Variants in CCDC60 observed in about 807,000 individuals in gnomAD.
CCDC60 encodes the protein coiled-coil domain containing 60, also known as coiled-coil domain-containing protein 60.
In CCDC60, 54 loss-of-function variants were observed where a neutral mutation model predicts 63.5. The ratio of observed to expected loss-of-function variants is 0.85; its 90% CI spans 0.68 to 1.07. The LOEUF (loss-of-function observed/expected upper bound fraction) is 1.07. CCDC60 is among the 50% of genes least tolerant of loss of function. CCDC60 has a pLI of 0.00. For missense variants in CCDC60, 651 were observed against 684.3 expected (o/e 0.95, Z 0.54); for synonymous variants, 206 against 238.8 (o/e 0.86, Z 1.27).
intron 6 of CCDC60, among the ~76,000 whole-genome samples, chr12:119,504,244 G>A (rs912622897): frequency 1.7e-4 from 26 of 152,076 alleles, no homozygotes; most frequent in Admixed American, 1.6e-3. Context: ...AGGAAGCCTC[G>A]CTGAAACTTG....
At chr12:119,475,579 G>A (rs1951158274) in intron 3 of CCDC60, among the ~76,000 whole-genome samples, 2 of 152,172 alleles carry the variant, frequency 1.3e-5, no homozygotes, top group Non-Finnish European at 2.9e-5. Flanking sequence ...ATGCGCGGGT[G>A]GGAGGGTGTT....
rs985172204 is a variant in CCDC60, at chr12:119,366,293, C to A, written c.90+31027C>A. 2.4e-4 allele frequency among the ~76,000 whole-genome samples: 36 copies of A among 152,198 alleles called. 1 individual carries two copies. The highest frequency in any genetic ancestry group is 8.0e-4 in the African/African-American group (33 of 41,452). The stretch of plus-strand genomic sequence containing the variant: ...AGAAGTATACTAAATATACTAAGCT[C>A]CATTTTATGAATGAGGAATCAGAGT... On this transcript the variant is annotated intron_variant, in intron 1 of 13. Coordinates refer to ENST00000327554, the MANE Select transcript of CCDC60 (RefSeq NM_178499.5).
rs1382537270 is a variant in CCDC60, at chr12:119,528,562, T to C, written c.1230-53T>C. On this transcript the variant is annotated intron_variant, in intron 11 of 13. Coordinates refer to ENST00000327554, the MANE Select transcript of CCDC60 (RefSeq NM_178499.5). ...AGATCTCAAAGGGCAGCTAAGATGG[T>C]TACAGGAGGAGGGGATCTCATTCTT... 3 of 1,578,226 alleles carry C rather than the reference T, an allele frequency of 1.9e-6. No individual in the cohort carries two copies. The Admixed American group carries it at 5.3e-5, about 28-fold the overall frequency.
intron 1 of CCDC60, among the ~76,000 whole-genome samples, chr12:119,424,191 A>G (rs1593067265): frequency 6.6e-6 from 1 of 152,206 alleles, no homozygotes; most frequent in East Asian, 1.9e-4. Context: ...TTTGTATCAG[A>G]TCACATACAT....
intron 10 of CCDC60, 27 bp downstream of exon 10, chr12:119,523,028 C>A (rs1291723844): frequency 6.2e-7 from 1 of 1,603,870 alleles, no homozygotes; most frequent in South Asian, 1.1e-5. Context: ...ATGGAAGGAA[C>A]CACGCAAGAG....
intron 1 of CCDC60, among the ~76,000 whole-genome samples, chr12:119,413,445 G>A (rs947313525): frequency 3.9e-5 from 6 of 152,156 alleles, no homozygotes; most frequent in African/African-American, 4.8e-5. Context: ...AAGGCATCGC[G>A]GGGGGAACAT....
chr12:119,455,822 G>A (rs1443043570), intron 2 of CCDC60, among the ~76,000 whole-genome samples: 3 of 145,928 alleles, frequency 2.1e-5, no homozygotes, highest in African/African-American at 7.7e-5. Flanking sequence ...AAGAAAAGGA[G>A]GAGGAAGGAG....
At chr12:119,399,167 GA>G (rs1593029886) in intron 1 of CCDC60, among the ~76,000 whole-genome samples, 1 of 152,210 alleles carries the variant, frequency 6.6e-6, no homozygotes, top group African/African-American at 2.4e-5. Context: ...AGTTTATCTT[GA>G]TCCTAAGGAA....
intron 4 of CCDC60, among the ~76,000 whole-genome samples, chr12:119,480,315 C>T (rs937618115): frequency 6.6e-6 from 1 of 152,168 alleles, no homozygotes; most frequent in African/African-American, 2.4e-5. Flanking sequence ...TCACAGAGGT[C>T]AGTGTGTTGC....
Position 119,540,658 on chromosome 12 carries a change from C to T in CCDC60, c.1596C>T (p.Ile532=). Residue 532 remains isoleucine (I), a synonymous_variant, in exon 14 of 14, where the codon ATC becomes ATT. Transcript: ENST00000327554. ...TCCATATGCCTCAAGAGGATTACAT[C>T]AGCTGGCTGCAGAGCCGGATCAACA... ...HIIHMPQEDY[I]SWLQSRINIP... 3 of 1,614,064 alleles carry T rather than the reference C, an allele frequency of 1.9e-6. No homozygotes were observed. The highest frequency in any genetic ancestry group is 2.5e-6 in the Non-Finnish European group (3 of 1,180,002).
In CCDC60 at chr12:119,456,031, G is replaced by A. The variant is rs1462802464; in HGVS notation, c.171-15963G>A. Among the ~76,000 whole-genome samples, 1 of 140,130 alleles carries A rather than the reference G, an allele frequency of 7.1e-6. No homozygotes were observed. Among genetic ancestry groups the A allele is most frequent in the Non-Finnish European group, 1.6e-5 (1 of 64,480 alleles). 91.9% of individuals were successfully genotyped at this position (140,130 alleles called of 152,430 possible). A position where few individuals can be genotyped will look rare whatever the true frequency, so the allele number is the denominator to read the frequency against. On this transcript the variant is annotated intron_variant, in intron 2 of 13. Coordinates refer to ENST00000327554, the MANE Select transcript of CCDC60 (RefSeq NM_178499.5). The surrounding 1 kb of genome is among the most constrained non-coding windows in gnomAD (Gnocchi z 4.6). ...AGAAAGAAAGAAAGAAAGAAAGAAAGAAAGAAAGAAAGAAAGAAAGAAAGA... is the reference window on the plus strand; with the variant it reads ...AGAAAGAAAGAAAGAAAGAAAGAAAAAAAGAAAGAAAGAAAGAAAGAAAGA...
At chr12:119,363,418 G>C (rs1955810818) in intron 1 of CCDC60, among the ~76,000 whole-genome samples, 4 of 106,594 alleles carry the variant, frequency 3.8e-5, no homozygotes, top group Non-Finnish European at 7.9e-5. Flanking sequence ...CTAGGTATGA[G>C]TCCTCTGTGT....
At chr12:119,435,178 G>A (rs529457901) in intron 2 of CCDC60, among the ~76,000 whole-genome samples, 16 of 152,172 alleles carry the variant, frequency 1.1e-4, no homozygotes, top group South Asian at 2.1e-4. Context: ...GCATGTGAGC[G>A]ATCTCACAGT....
intron 1 of CCDC60, among the ~76,000 whole-genome samples, chr12:119,398,112 A>AGGAAGGGGGCGGTGTGGGGGGG (rs1956313523): frequency 4.1e-5 from 1 of 24,342 alleles, no homozygotes; most frequent in African/African-American, 1.8e-4. Context: ...GTGTGGGGGG[A>AGGAAGGGGGCGGTGTGGGGGGG]GGAAGGGGTG....
At chr12:119,508,571 C>G (rs11612180) in intron 7 of CCDC60, among the ~76,000 whole-genome samples, 1,824 of 151,960 alleles carry the variant, frequency 0.012, 28 homozygotes, top group Middle Eastern at 0.024. Context: ...TAGAGAGAGA[C>G]CGTTGGTGGG....
chr12:119,482,320 T>A (rs1951346616), intron 4 of CCDC60, among the ~76,000 whole-genome samples: 1 of 151,906 alleles, frequency 6.6e-6, no homozygotes. Context: ...GTTTGTTACA[T>A]AGGCTATTAC....
chr12:119,449,039 G>T (rs1009068949), intron 2 of CCDC60, among the ~76,000 whole-genome samples: 6 of 152,208 alleles, frequency 3.9e-5, no homozygotes, highest in African/African-American at 1.2e-4. Flanking sequence ...ATTTTAGGTT[G>T]CTGTCACTGT....
At chr12:119,450,354 A>G (rs1950608028) in intron 2 of CCDC60, among the ~76,000 whole-genome samples, 1 of 152,166 alleles carries the variant, frequency 6.6e-6, no homozygotes, top group African/African-American at 2.4e-5. Flanking sequence ...GACTTCATTG[A>G]TATATATGCA....
chr12:119,381,380 G>T (rs1303520270), intron 1 of CCDC60, among the ~76,000 whole-genome samples: 1 of 152,170 alleles, frequency 6.6e-6, no homozygotes, highest in Non-Finnish European at 1.5e-5. Context: ...TGTCCTTGGT[G>T]TGTCAACATT....
Sources: allele counts gnomAD v4.1 joint callset (sites outside exome capture counted in the v4.1 genomes callset), GRCh38; gene constraint gnomAD v4.1.1; non-coding constraint Gnocchi (gnomAD v3.1); transcripts MANE v1.5; gene names NCBI Gene and HGNC (gene_info 2026-07-23, HGNC 2026-07-21).